Variants in ASIC2 observed in about 807,000 individuals in gnomAD.
ASIC2 encodes the protein acid sensing ion channel subunit 2.
ASIC2 carries 25 observed loss-of-function variants against 57.3 expected under a neutral mutation model. That is an observed-to-expected ratio of 0.44 (90% CI 0.32 to 0.61). The LOEUF (loss-of-function observed/expected upper bound fraction) is 0.61, where lower values mean the gene tolerates loss of function less well. Ranked by LOEUF, ASIC2 falls within the 20% of genes least tolerant of loss-of-function variation. The pLI is 0.06. For missense variants in ASIC2, 641 were observed against 738.1 expected, an observed-to-expected ratio of 0.87 and a Z score of 1.52; for synonymous variants, 319 against 307.5, an observed-to-expected ratio of 1.04 and a Z score of -0.39.
intron 1 of ASIC2, among the ~76,000 whole-genome samples, chr17:33,993,016 G>C (rs1381770684): frequency 6.6e-6 from 1 of 152,148 alleles, no homozygotes; most frequent in African/African-American, 2.4e-5. Flanking sequence ...GCTCAATCCT[G>C]AAGTCCTGGA....
intron 1 of ASIC2, among the ~76,000 whole-genome samples, chr17:33,379,679 G>A (rs940769776): frequency 2.6e-5 from 4 of 152,156 alleles, no homozygotes; most frequent in Non-Finnish European, 4.4e-5. Flanking sequence ...GGACCATCAA[G>A]GTGATCTGCA....
At chr17:33,497,803 C>A (rs1235561630) in intron 1 of ASIC2, among the ~76,000 whole-genome samples, 4 of 152,154 alleles carry the variant, frequency 2.6e-5, no homozygotes, top group Non-Finnish European at 5.9e-5. Flanking sequence ...TTGCCTAAGG[C>A]CACACAGCTA....
intron 1 of ASIC2, among the ~76,000 whole-genome samples, chr17:33,485,537 C>T (rs945811125): frequency 1.4e-4 from 21 of 152,186 alleles, no homozygotes; most frequent in African/African-American, 4.8e-4. Flanking sequence ...ACATCAAACC[C>T]ATACATTGTG....
intron 1 of ASIC2, among the ~76,000 whole-genome samples, chr17:34,012,671 C>T (rs1906813728): frequency 6.6e-6 from 1 of 152,006 alleles, no homozygotes; most frequent in Non-Finnish European, 1.5e-5. Context: ...CTTAGATTTG[C>T]ATTTTTTTCT....
intron 1 of ASIC2, among the ~76,000 whole-genome samples, chr17:33,411,367 C>T (rs1910653434): frequency 6.6e-6 from 1 of 152,120 alleles, no homozygotes; most frequent in Non-Finnish European, 1.5e-5. Context: ...TTGTGAACCC[C>T]CAAATGAATA....
At chr17:33,101,481 T>C (rs375982992) in intron 2 of ASIC2, among the ~76,000 whole-genome samples, 54 of 152,228 alleles carry the variant, frequency 3.5e-4, no homozygotes, top group Non-Finnish European at 4.6e-4. Context: ...TTCAACTGTT[T>C]TAGCTGTTTC....
At chr17:34,132,119 G>GA (rs2142129164) in intron 1 of ASIC2, among the ~76,000 whole-genome samples, 1 of 152,292 alleles carries the variant, frequency 6.6e-6, no homozygotes, top group East Asian at 1.9e-4. Context: ...CCTCAGCTGG[G>GA]ATCTCAACTT....
rs7218497 is a variant in ASIC2 at position 34,083,663 on chromosome 17, C to T, written c.555+72315G>A. ...ACAGTGTAAAAGTGTTCCTATTTCT[C>T]CACATCCTCTCCAGCACCTGTTGTT... is the stretch of plus-strand genomic sequence containing the variant. On this transcript the variant is annotated intron_variant, in intron 1 of 9. Coordinates refer to the ASIC2 transcript ENST00000359872. Among the ~76,000 whole-genome samples the T allele has an allele frequency of 1.1e-3, 162 of 152,274 alleles. 2 individuals are homozygous for T. Among genetic ancestry groups the T allele is most frequent in the African/African-American group, 3.5e-3 (146 of 41,542 alleles).
intron 3 of ASIC2, among the ~76,000 whole-genome samples, chr17:33,029,427 G>C (rs1317578769): frequency 6.6e-6 from 1 of 152,122 alleles, no homozygotes; most frequent in Non-Finnish European, 1.5e-5. Context: ...GTGTCTCTGA[G>C]GTTCATCTAC....
chr17:33,542,083 CT>C (rs1915429953), intron 1 of ASIC2, among the ~76,000 whole-genome samples: 1 of 152,196 alleles, frequency 6.6e-6, no homozygotes, highest in Admixed American at 6.5e-5. Context: ...TACTTGACTC[CT>C]TTGGTTGTGT....
intron 1 of ASIC2, among the ~76,000 whole-genome samples, chr17:33,733,544 A>G (rs1168305234): frequency 6.6e-6 from 1 of 152,182 alleles, no homozygotes; most frequent in Non-Finnish European, 1.5e-5. Context: ...TTCCTCTCTG[A>G]GTTTCTTACC....
intron 1 of ASIC2, among the ~76,000 whole-genome samples, chr17:33,162,216 A>G (rs927029232): frequency 1.3e-5 from 2 of 152,144 alleles, no homozygotes; most frequent in African/African-American, 4.8e-5. Flanking sequence ...TGGAGGCTGT[A>G]ACTCCTGGGG....
intron 1 of ASIC2, among the ~76,000 whole-genome samples, chr17:33,336,202 C>T (rs530487116): frequency 6.6e-6 from 1 of 152,048 alleles, no homozygotes; most frequent in Non-Finnish European, 1.5e-5. Context: ...GGTTTAGACT[C>T]TCAGTATCTC....
At chr17:33,343,890 C>T (rs370606555) in intron 1 of ASIC2, among the ~76,000 whole-genome samples, 18 of 152,218 alleles carry the variant, frequency 1.2e-4, no homozygotes, top group Admixed American at 5.9e-4. Context: ...AGCGACTGTG[C>T]CTTTGCCCAG....
chr17:33,064,086 T>A (rs929422248), intron 3 of ASIC2, among the ~76,000 whole-genome samples: 4 of 152,228 alleles, frequency 2.6e-5, no homozygotes, highest in Non-Finnish European at 5.9e-5. Context: ...GGTTTTTAAC[T>A]TCTTTGCGAT....
intron 1 of ASIC2, among the ~76,000 whole-genome samples, chr17:33,121,559 C>T (rs2092302225): frequency 6.6e-6 from 1 of 152,158 alleles, no homozygotes; most frequent in Non-Finnish European, 1.5e-5. Context: ...CAGGGCCATG[C>T]TAATGCTTTC....
intron 1 of ASIC2, among the ~76,000 whole-genome samples, chr17:33,699,373 C>G (rs930102252): frequency 2.6e-5 from 4 of 152,162 alleles, no homozygotes; most frequent in Middle Eastern, 3.2e-3. Context: ...TCCTTCCCCA[C>G]TACTAACTGT....
chr17:34,039,918 G>A (rs2142044562), intron 1 of ASIC2: 17 of 1,534,264 alleles, frequency 1.1e-5, no homozygotes, highest in Middle Eastern at 2.3e-4. Flanking sequence ...CCTCCCTGGA[G>A]GGACCCCGAC....
intron 1 of ASIC2, among the ~76,000 whole-genome samples, chr17:33,497,241 G>T (rs184669496): frequency 6.6e-6 from 1 of 152,330 alleles, no homozygotes; most frequent in Non-Finnish European, 1.5e-5. Flanking sequence ...GTCTTGCTCT[G>T]GGTCAAACCT....
Sources: allele counts gnomAD v4.1 joint callset (sites outside exome capture counted in the v4.1 genomes callset), GRCh38; gene constraint gnomAD v4.1.1; transcripts MANE v1.5; gene names NCBI Gene and HGNC (gene_info 2026-07-23, HGNC 2026-07-21).